PINX1: variants seen among roughly 807,000 people sequenced by gnomAD.
PINX1 encodes PIN2/TERF1-interacting telomerase inhibitor 1.
In PINX1, 34 loss-of-function variants were observed where a neutral mutation model predicts 25.4. That is an observed-to-expected ratio of 1.34 (90% confidence interval 1.02 to 1.78). The LOEUF (loss-of-function observed/expected upper bound fraction) is 1.78, where lower values mean the gene tolerates loss of function less well. PINX1 is among the 40% of genes most tolerant of loss of function. The pLI is 0.00. For synonymous variants in PINX1, 197 were observed against 147.7 expected (o/e 1.33, Z -2.42); for missense variants, 592 against 404.9 (o/e 1.46, Z -3.97).
chr8:10,831,279 C>A (rs560247117), intron 4 of PINX1, among the ~76,000 whole-genome samples: 6 of 152,144 alleles, frequency 3.9e-5, no homozygotes, highest in Non-Finnish European at 7.4e-5. Context: ...ATTAGAGCTG[C>A]GTAAGGAAAA....
chr8:10,769,477 C>G (rs1041196176), intron 6 of PINX1, among the ~76,000 whole-genome samples: 5 of 152,186 alleles, frequency 3.3e-5, no homozygotes, highest in Admixed American at 1.3e-4. Context: ...TCTGGAGCAC[C>G]TGTTCCCCAG....
intron 6 of PINX1, among the ~76,000 whole-genome samples, chr8:10,786,327 T>C (rs1801745671): frequency 6.6e-6 from 1 of 152,194 alleles, no homozygotes; most frequent in Non-Finnish European, 1.5e-5. Flanking sequence ...CCTATTCTCT[T>C]GCATGGTTGG....
At chr8:10,770,535 C>CGAG (rs1801191018) in intron 6 of PINX1, among the ~76,000 whole-genome samples, 1 of 152,360 alleles carries the variant, frequency 6.6e-6, no homozygotes, top group East Asian at 1.9e-4. Flanking sequence ...TCTGGAGACT[C>CGAG]TGCAGCTACA....
intron 6 of PINX1, among the ~76,000 whole-genome samples, chr8:10,779,481 T>C (rs1801515507): frequency 6.6e-6 from 1 of 152,178 alleles, no homozygotes; most frequent in Non-Finnish European, 1.5e-5. Flanking sequence ...CTGTATAGAC[T>C]GAATGGGAAA....
At chr8:10,832,050 G>C (rs373308976) in intron 3 of PINX1, among the ~76,000 whole-genome samples, 2 of 152,132 alleles carry the variant, frequency 1.3e-5, no homozygotes, top group Non-Finnish European at 1.5e-5. Flanking sequence ...AAATGTTAAA[G>C]TAAAACATAA....
intron 6 of PINX1, among the ~76,000 whole-genome samples, chr8:10,785,071 GA>G (rs1801704798): frequency 6.6e-6 from 1 of 151,672 alleles, no homozygotes; most frequent in East Asian, 1.9e-4. Context: ...TCTTACCAAG[GA>G]AAAAAACTTC....
intron 6 of PINX1, among the ~76,000 whole-genome samples, chr8:10,766,302 T>G (rs1563197975): frequency 6.6e-6 from 1 of 152,228 alleles, no homozygotes; most frequent in Non-Finnish European, 1.5e-5. Context: ...ACAGGGACAC[T>G]GGTGTTCCAG....
chr8:10,815,462 C>A (rs17776427), intron 6 of PINX1, among the ~76,000 whole-genome samples: 24,394 of 152,256 alleles, frequency 0.16, 2,441 homozygotes, highest in Non-Finnish European at 0.23. Context: ...TTCATTCCTA[C>A]TATGCGCACA....
At chr8:10,788,649 A>C (rs1002070088) in intron 6 of PINX1, among the ~76,000 whole-genome samples, 2 of 152,314 alleles carry the variant, frequency 1.3e-5, no homozygotes, top group Admixed American at 6.5e-5. Flanking sequence ...TAAGTAACCT[A>C]AGGCATCTGT....
At chr8:10,791,642 G>C (rs1370320991) in intron 6 of PINX1, among the ~76,000 whole-genome samples, 1 of 152,194 alleles carries the variant, frequency 6.6e-6, no homozygotes, top group Non-Finnish European at 1.5e-5. Flanking sequence ...GGACTGGTGG[G>C]TTATTTTGGT....
intron 6 of PINX1, among the ~76,000 whole-genome samples, chr8:10,804,605 G>A (rs1043911786): frequency 6.6e-6 from 1 of 152,112 alleles, no homozygotes; most frequent in Admixed American, 6.5e-5. Context: ...CCTGCAAGTA[G>A]GAAACACTGG....
At chr8:10,792,790 T>C (rs978766500) in intron 6 of PINX1, among the ~76,000 whole-genome samples, 2 of 152,200 alleles carry the variant, frequency 1.3e-5, no homozygotes, top group South Asian at 4.1e-4. Context: ...GCAGTCTACA[T>C]TGTATTCCTC....
At chr8:10,771,509 C>G (rs1362379954) in intron 6 of PINX1, 1 of 152,204 alleles carries the variant, frequency 6.6e-6, no homozygotes, top group African/African-American at 2.4e-5. Flanking sequence ...CTAGCATCTT[C>G]CCAAGGAAAC....
intron 5 of PINX1, among the ~76,000 whole-genome samples, chr8:10,821,422 G>C (rs149209537): frequency 2.0e-5 from 3 of 152,380 alleles, no homozygotes; most frequent in Admixed American, 6.5e-5. Flanking sequence ...GGTATGACCT[G>C]TTCCTGCCAG....
At chr8:10,771,249 C>G (rs1032461888) in intron 6 of PINX1, 2 of 152,154 alleles carry the variant, frequency 1.3e-5, no homozygotes, top group African/African-American at 4.8e-5. Flanking sequence ...GAGACCCCAC[C>G]GTCAGCTGTG....
At chr8:10,800,522 T>G (rs1802233666) in intron 6 of PINX1, among the ~76,000 whole-genome samples, 2 of 151,354 alleles carry the variant, frequency 1.3e-5, no homozygotes, top group Non-Finnish European at 2.9e-5. Flanking sequence ...CAGGCTGGAG[T>G]GCAGTGGCGT....
At position 10,831,661 on chromosome 8, in the gene PINX1, C is replaced by G. The variant is rs1246205561; in HGVS notation, c.301+4G>C. On this transcript the variant is annotated splice_donor_region_variant and intron_variant, in intron 4 of 6. Transcript: ENST00000314787. ...TGAGAACTTATGTCATCTGATTTCC[C>G]TACCTGTGGTTTCCTGCCCATGGCA... is the stretch of plus-strand genomic sequence containing the variant. 3 of 1,581,190 alleles carry G rather than the reference C, an allele frequency of 1.9e-6. No homozygotes were observed. The highest frequency in any genetic ancestry group is 2.6e-6 in the Non-Finnish European group (3 of 1,154,404).
intron 6 of PINX1, among the ~76,000 whole-genome samples, chr8:10,774,532 C>T (rs1197332249): frequency 3.9e-5 from 6 of 152,186 alleles, no homozygotes; most frequent in African/African-American, 1.2e-4. Flanking sequence ...CCACCCGCCT[C>T]GGCCACCCAA....
intron 1 of PINX1, among the ~76,000 whole-genome samples, chr8:10,837,853 C>A (rs1798449856): frequency 6.6e-6 from 1 of 152,206 alleles, no homozygotes; most frequent in African/African-American, 2.4e-5. Context: ...TATTGTTACA[C>A]TAAATTAAAT....
Sources: allele counts gnomAD v4.1 joint callset (sites outside exome capture counted in the v4.1 genomes callset), GRCh38; gene constraint gnomAD v4.1.1; transcripts MANE v1.5; gene names NCBI Gene and HGNC (gene_info 2026-07-23, HGNC 2026-07-21).